PPP1R9A: variants seen among roughly 807,000 people sequenced by gnomAD.
PPP1R9A encodes protein phosphatase 1 regulatory subunit 9A, also known as neurabin-1.
A neutral mutation model predicts 141.9 loss-of-function variants in PPP1R9A; 59 were observed. The ratio of observed to expected loss-of-function variants is 0.42; its 90% CI spans 0.34 to 0.52. The LOEUF (loss-of-function observed/expected upper bound fraction) is 0.52, where lower values mean the gene tolerates loss of function less well. Ranked by LOEUF, PPP1R9A falls within the 20% of genes least tolerant of loss-of-function variation. PPP1R9A has a pLI of 0.10. For synonymous variants in PPP1R9A, 500 were observed against 569.7 expected (o/e 0.88, Z 1.74); for missense variants, 1,444 against 1,611.9 (o/e 0.90, Z 1.78).
chr7:95,107,678 T>C (rs1819743630), intron 2 of PPP1R9A, among the ~76,000 whole-genome samples: 3 of 152,222 alleles, frequency 2.0e-5, no homozygotes, highest in Non-Finnish European at 4.4e-5. Flanking sequence ...GAGCTCAAAC[T>C]ATATTGCCTT....
chr7:95,160,505 T>G (rs1585013322), intron 4 of PPP1R9A, among the ~76,000 whole-genome samples: 1 of 152,054 alleles, frequency 6.6e-6, no homozygotes, highest in East Asian at 1.9e-4. Context: ...TTTAAAACAG[T>G]CTTTATTTTT....
chr7:95,224,002 A>G (rs1429600931), intron 7 of PPP1R9A, among the ~76,000 whole-genome samples: 3 of 151,858 alleles, frequency 2.0e-5, no homozygotes, highest in Middle Eastern at 3.4e-3. Context: ...AAGAATACAA[A>G]AGAAAAAAAA....
At chr7:95,033,250 G>A (rs1201093916) in intron 2 of PPP1R9A, among the ~76,000 whole-genome samples, 6 of 146,368 alleles carry the variant, frequency 4.1e-5, no homozygotes, top group South Asian at 2.2e-4. Flanking sequence ...TCCTGACCTC[G>A]TGATCCGCCC....
At chr7:95,254,784 G>T (rs1799354702) in intron 12 of PPP1R9A, among the ~76,000 whole-genome samples, 1 of 152,162 alleles carries the variant, frequency 6.6e-6, no homozygotes, top group African/African-American at 2.4e-5. Context: ...CTTCCAAAAT[G>T]ATGTGACTCT....
chr7:95,231,144 A>G (rs1427394253), intron 8 of PPP1R9A, among the ~76,000 whole-genome samples: 1 of 152,204 alleles, frequency 6.6e-6, no homozygotes, highest in African/African-American at 2.4e-5. Context: ...CAGCAGTTAA[A>G]AAAAGACAAA....
intron 2 of PPP1R9A, 87 bp from the exon 3 acceptor site, chr7:95,111,172 C>T: frequency 7.6e-7 from 1 of 1,320,150 alleles, no homozygotes. Context: ...AAATTCATCA[C>T]ATGAATGTTT....
chr7:95,190,770 A>G (rs1231085350), intron 5 of PPP1R9A, among the ~76,000 whole-genome samples: 1 of 152,200 alleles, frequency 6.6e-6, no homozygotes, highest in Non-Finnish European at 1.5e-5. Context: ...TTTTCCTGGT[A>G]CATTCCTGTG....
intron 4 of PPP1R9A, among the ~76,000 whole-genome samples, chr7:95,160,336 G>A (rs7777436): frequency 0.59 from 89,399 of 151,774 alleles, 26,770 homozygotes; most frequent in African/African-American, 0.7. Context: ...TAGGCCCAAA[G>A]CATATTTCAT....
intron 2 of PPP1R9A, among the ~76,000 whole-genome samples, chr7:94,941,609 TA>T (rs1311910894): frequency 6.6e-6 from 1 of 152,012 alleles, no homozygotes; most frequent in Non-Finnish European, 1.5e-5. Context: ...AATCAGCAAC[TA>T]TTTTTTTTTT....
At chr7:95,042,362 T>C (rs576341035) in intron 2 of PPP1R9A, among the ~76,000 whole-genome samples, 1 of 152,316 alleles carries the variant, frequency 6.6e-6, no homozygotes, top group Non-Finnish European at 1.5e-5. Context: ...AAAACTGATA[T>C]GTTTTATTAG....
chr7:95,229,548 C>T (rs1032985019), intron 8 of PPP1R9A, among the ~76,000 whole-genome samples: 5 of 151,952 alleles, frequency 3.3e-5, no homozygotes, highest in African/African-American at 1.2e-4. Flanking sequence ...CAGCCATAAT[C>T]CCCCTGGGAA....
At chr7:95,282,484 A>T (rs1264409443) in intron 16 of PPP1R9A, among the ~76,000 whole-genome samples, 1 of 152,224 alleles carries the variant, frequency 6.6e-6, no homozygotes, top group Non-Finnish European at 1.5e-5. Context: ...CTAGAGTTGT[A>T]AAGCTGGAGC....
intron 12 of PPP1R9A, among the ~76,000 whole-genome samples, chr7:95,259,476 T>C (rs1197278549): frequency 6.6e-6 from 1 of 152,186 alleles, no homozygotes; most frequent in Non-Finnish European, 1.5e-5. Context: ...CAGCCAGACA[T>C]TTATATCCAT....
At chr7:95,027,353 T>C (rs1807012796) in intron 2 of PPP1R9A, among the ~76,000 whole-genome samples, 1 of 152,164 alleles carries the variant, frequency 6.6e-6, no homozygotes, top group Non-Finnish European at 1.5e-5. Flanking sequence ...TTCTGACCTC[T>C]TGCACTTCCT....
rs56222632 is a variant in PPP1R9A, at chr7:95,015,006, C to A, written c.1396-96253C>A. Among the ~76,000 whole-genome samples, 394 of 152,072 alleles carry A rather than the reference C, an allele frequency of 2.6e-3. 2 individuals are homozygous for A. The highest frequency in any genetic ancestry group is 0.014 in the Middle Eastern group (4 of 294). On this transcript the variant is annotated intron_variant, in intron 2 of 19. Coordinates refer to ENST00000433360, the MANE Select transcript of PPP1R9A (RefSeq NM_001166160.2). ...ATGATTCCTTGAATTCTTCTTTATT[C>A]TGTGGCACAAAAAGATATTCTAGAC...
At chr7:95,134,018 A>G (rs536778896) in intron 4 of PPP1R9A, among the ~76,000 whole-genome samples, 30 of 152,262 alleles carry the variant, frequency 2.0e-4, no homozygotes, top group African/African-American at 6.0e-4. Flanking sequence ...TTAAAAACAT[A>G]TATGTTTATT....
chr7:94,989,986 AT>A (rs1171213213), intron 2 of PPP1R9A, among the ~76,000 whole-genome samples: 8 of 152,128 alleles, frequency 5.3e-5, no homozygotes, highest in Admixed American at 3.9e-4. Flanking sequence ...GAAGCGTTTG[AT>A]TAGTTAAAAT....
intron 2 of PPP1R9A, among the ~76,000 whole-genome samples, chr7:95,000,655 T>C (rs1802795383): frequency 6.6e-6 from 1 of 152,160 alleles, no homozygotes; most frequent in Admixed American, 6.6e-5. Flanking sequence ...GAAGAATTTT[T>C]ATGCATATTA....
At chr7:95,132,417 AT>A (rs2152532036) in intron 4 of PPP1R9A, among the ~76,000 whole-genome samples, 1 of 152,204 alleles carries the variant, frequency 6.6e-6, no homozygotes, top group African/African-American at 2.4e-5. Flanking sequence ...TTTATCTAAA[AT>A]TTTTCCCTGT....
Sources: gnomAD v4.1 joint callset for allele counts (sites outside exome capture counted in the v4.1 genomes callset) on GRCh38, gnomAD v4.1.1 for gene constraint, MANE v1.5 for transcripts, NCBI Gene and HGNC (gene_info 2026-07-23, HGNC 2026-07-21) for gene names.